The following DOK5 variants were observed in gnomAD, a reference collection of about 807,000 sequenced individuals.
DOK5 encodes the protein downstream of tyrosine kinase 5.
DOK5 carries 27 observed loss-of-function variants against 43.3 expected under a neutral mutation model. The observed-to-expected ratio is 0.62, with a 90% CI of 0.46 to 0.86. DOK5 has a LOEUF of 0.86. DOK5 is among the 40% of genes least tolerant of loss of function. DOK5 has a pLI of 0.00. For synonymous variants in DOK5, 146 were observed against 140.1 expected, an observed-to-expected ratio of 1.04 and a Z score of -0.30; for missense variants, 373 against 392.9, an observed-to-expected ratio of 0.95 and a Z score of 0.43.
chr20:54,484,976 C>G (rs1179369134), intron 1 of DOK5, among the ~76,000 whole-genome samples: 1 of 152,190 alleles, frequency 6.6e-6, no homozygotes, highest in Non-Finnish European at 1.5e-5. Context: ...TCTGATCATA[C>G]TACTATACTT....
rs1469763130 is a variant in DOK5 at position 54,643,458 on chromosome 20, C to T, written c.736C>T (p.Leu246Phe). The T allele has an allele frequency of 5.6e-6, 9 of 1,613,432 alleles. No individual in the cohort carries two copies. The highest frequency in any genetic ancestry group is 7.6e-6 in the Non-Finnish European group (9 of 1,179,978). Residue 246 changes from leucine (L) to phenylalanine (F), a missense_variant and splice_region_variant, in exon 7 of 8, where the codon CTC becomes TTC. Coordinates refer to ENST00000262593, the MANE Select transcript of DOK5 (RefSeq NM_018431.5). ...ACAACTTTCTTCCCTTTGGCTGCAG[C>T]TCCAGATGAAGATGAGTGAGCGGGC... Reference protein sequence around the residue: ...RLLQSVKNSMLQMKMSERAAS... With the variant: ...RLLQSVKNSMFQMKMSERAAS...
At chr20:54,647,017 C>T (rs1182961499) in intron 7 of DOK5, among the ~76,000 whole-genome samples, 1 of 151,850 alleles carries the variant, frequency 6.6e-6, no homozygotes, top group Non-Finnish European at 1.5e-5. Context: ...CTTCGAGAGC[C>T]CCCTGCTGGT....
chr20:54,621,566 G>A (rs959931067), intron 6 of DOK5, among the ~76,000 whole-genome samples: 3 of 152,144 alleles, frequency 2.0e-5, no homozygotes, highest in East Asian at 3.9e-4. Flanking sequence ...GCAGGTGCCT[G>A]TAATCCCAGC....
chr20:54,611,762 T>C (rs962985383), intron 6 of DOK5, among the ~76,000 whole-genome samples: 1 of 152,158 alleles, frequency 6.6e-6, no homozygotes, highest in African/African-American at 2.4e-5. Context: ...AAGATTAGGG[T>C]AGTTTGAAAC....
chr20:54,615,675 G>C (rs1348425105), intron 6 of DOK5, among the ~76,000 whole-genome samples: 1 of 152,176 alleles, frequency 6.6e-6, no homozygotes, highest in Non-Finnish European at 1.5e-5. Flanking sequence ...ACTTTGGGAG[G>C]CCGAGGTGGG....
intron 1 of DOK5, among the ~76,000 whole-genome samples, chr20:54,548,957 G>A (rs1485307613): frequency 6.6e-6 from 1 of 152,120 alleles, no homozygotes; most frequent in African/African-American, 2.4e-5. Flanking sequence ...TTAGTTTAAC[G>A]GATTACATTT....
At chr20:54,562,391 G>C (rs1013433634) in intron 2 of DOK5, among the ~76,000 whole-genome samples, 1 of 152,136 alleles carries the variant, frequency 6.6e-6, no homozygotes, top group African/African-American at 2.4e-5. Context: ...TAATAACAGA[G>C]ATAATGACAT....
chr20:54,526,742 T>G (rs1043796664), intron 1 of DOK5, among the ~76,000 whole-genome samples: 4 of 152,206 alleles, frequency 2.6e-5, no homozygotes, highest in Non-Finnish European at 5.9e-5. Flanking sequence ...TTTATATACA[T>G]GGCTGTGTCT....
chr20:54,598,665 C>T (rs965547330), intron 5 of DOK5, among the ~76,000 whole-genome samples: 5 of 152,186 alleles, frequency 3.3e-5, no homozygotes, highest in Admixed American at 2.0e-4. Flanking sequence ...AAATAATTAC[C>T]GCACATGAGT....
chr20:54,649,713 A>G (rs952390726), intron 7 of DOK5, among the ~76,000 whole-genome samples: 2 of 152,240 alleles, frequency 1.3e-5, no homozygotes, highest in Non-Finnish European at 2.9e-5. Context: ...TGTGAGCCAG[A>G]TCCAGCCTGC....
chr20:54,543,980 T>C (rs968731033), intron 1 of DOK5, among the ~76,000 whole-genome samples: 3 of 152,228 alleles, frequency 2.0e-5, no homozygotes, highest in Non-Finnish European at 4.4e-5. Context: ...GCAGTATTTC[T>C]GGGTCAAAGT....
chr20:54,571,377 C>A (rs562249857), intron 2 of DOK5, among the ~76,000 whole-genome samples: 1 of 152,174 alleles, frequency 6.6e-6, no homozygotes, highest in East Asian at 1.9e-4. Flanking sequence ...GGACAAGGCT[C>A]AAATCCAGGA....
chr20:54,521,391 C>A (rs1469104512), intron 1 of DOK5, among the ~76,000 whole-genome samples: 2 of 152,158 alleles, frequency 1.3e-5, no homozygotes, highest in Non-Finnish European at 2.9e-5. Context: ...AGCCTACCCA[C>A]ACCTGTTTAG....
intron 6 of DOK5, among the ~76,000 whole-genome samples, chr20:54,641,750 C>T (rs958387166): frequency 6.6e-6 from 1 of 152,134 alleles, no homozygotes; most frequent in African/African-American, 2.4e-5. Context: ...GTGTCTCCTT[C>T]GTGGTACGAC....
intron 6 of DOK5, among the ~76,000 whole-genome samples, chr20:54,629,622 A>G (rs192464490): frequency 6.6e-6 from 1 of 152,386 alleles, no homozygotes; most frequent in African/African-American, 2.4e-5. Flanking sequence ...AAGCAGGAGT[A>G]CAACAGAGAA....
intron 1 of DOK5, among the ~76,000 whole-genome samples, chr20:54,492,519 G>A (rs919485578): frequency 3.3e-5 from 5 of 151,906 alleles, no homozygotes; most frequent in African/African-American, 9.7e-5. Flanking sequence ...ACATCCTTGG[G>A]TATACACTCA....
intron 2 of DOK5, among the ~76,000 whole-genome samples, chr20:54,559,511 G>A (rs1458267912): frequency 2.0e-5 from 3 of 152,350 alleles, no homozygotes; most frequent in South Asian, 2.1e-4. Context: ...AAATGTGAAC[G>A]AAAGAGTGTG....
chr20:54,479,553 A>G (rs1981582723), intron 1 of DOK5, among the ~76,000 whole-genome samples: 1 of 152,224 alleles, frequency 6.6e-6, no homozygotes, highest in African/African-American at 2.4e-5. Flanking sequence ...CTTTCCTTGC[A>G]ATGGAGATGA....
intron 2 of DOK5, among the ~76,000 whole-genome samples, chr20:54,577,399 A>G (rs1985486905): frequency 6.6e-6 from 1 of 152,222 alleles, no homozygotes; most frequent in African/African-American, 2.4e-5. Flanking sequence ...GCATCCATAT[A>G]ATGGGTCAGT....
Sources: allele counts gnomAD v4.1 joint callset (sites outside exome capture counted in the v4.1 genomes callset), GRCh38; gene constraint gnomAD v4.1.1; transcripts MANE v1.5; gene names NCBI Gene and HGNC (gene_info 2026-07-23, HGNC 2026-07-21).